The following PIP5K1A variants were observed in gnomAD, a reference collection of about 807,000 sequenced individuals.
The protein encoded by PIP5K1A is phosphatidylinositol 4-phosphate 5-kinase type-1 alpha.
Under a neutral mutation model 72.9 loss-of-function variants are expected in PIP5K1A, and 46 were observed. The ratio of observed to expected loss-of-function variants is 0.63; its 90% CI spans 0.50 to 0.81. The LOEUF is 0.81. Among genes scored for constraint, PIP5K1A ranks in the 30% least tolerant of loss-of-function variants. PIP5K1A has a pLI of 0.00. For synonymous variants in PIP5K1A, 228 were observed against 255.1 expected (o/e 0.89, Z 1.01); for missense variants, 458 against 706.1 (o/e 0.65, Z 3.98).
intron 15 of PIP5K1A, 86 bp from the exon 16 acceptor site, chr1:151,247,777 C>A: frequency 1.7e-6 from 2 of 1,157,638 alleles, no homozygotes; most frequent in South Asian, 1.4e-5. Context: ...GAGGCTGAGG[C>A]TGAAATAGAA....
In PIP5K1A at chr1:151,220,380, G is replaced by A. The variant is rs181154690; in HGVS notation, c.86-3865G>A. ...CAGACTTGCTTTATTTTCTTCTGTG[G>A]TATTTTTTTCCTTTACTTACATTAT... On this transcript the variant is annotated intron_variant, in intron 1 of 15. Transcript: ENST00000368888. 4.4e-3 allele frequency among the ~76,000 whole-genome samples: 670 copies of A among 152,092 alleles called. 6 individuals are homozygous for A. The highest frequency in any genetic ancestry group is 0.014 in the Middle Eastern group (4 of 294).
In PIP5K1A at chr1:151,247,967, T is replaced by A; in HGVS notation, c.*102T>A. ...TGCTGAATTTTCTTCTACTTGGTCA[T>A]CAAAAAAGGAGTGTAATAGAAGTGA... On this transcript the variant is annotated 3_prime_UTR_variant, in exon 16 of 16. Transcript: ENST00000368888. The A allele has an allele frequency of 9.7e-7, 1 of 1,030,302 alleles. No homozygotes were observed. The highest frequency in any genetic ancestry group is 1.3e-5 in the South Asian group (1 of 78,654). The allele number at this position is 1,030,302 out of a possible 1,614,324, so 63.8% of individuals were successfully genotyped here. A position where few individuals can be genotyped will look rare whatever the true frequency, so the allele number is the denominator to read the frequency against.
chr1:151,236,680 C>A lies in PIP5K1A; in HGVS notation c.1062C>A (p.Ala354=). 1 of 1,613,888 alleles carries A rather than the reference C, an allele frequency of 6.2e-7. No homozygotes were observed. The highest frequency in any genetic ancestry group is 8.5e-7 in the Non-Finnish European group (1 of 1,179,964). ...ACTCAGTTGATACTCGAAGACCGGC[C>A]CCCCAAAAGGCTCTGTATTCCACAG... is the stretch of plus-strand genomic sequence containing the variant. ...TQYSVDTRRP[A]PQKALYSTAM... Residue 354 remains alanine, a synonymous_variant, in exon 9 of 16, where the codon GCC becomes GCA. Transcript: ENST00000368888.
intron 12 of PIP5K1A, among the ~76,000 whole-genome samples, chr1:151,241,757 GC>G (rs1691741327): frequency 6.8e-6 from 1 of 146,856 alleles, no homozygotes; most frequent in South Asian, 2.1e-4. Context: ...CCAAGATCGC[GC>G]CATTGCACTT....
upstream of PIP5K1A, among the ~76,000 whole-genome samples, chr1:151,196,792 C>T (rs587595596): frequency 1.3e-5 from 2 of 151,790 alleles, no homozygotes; most frequent in South Asian, 4.2e-4. Flanking sequence ...AACTCCCGAC[C>T]TCAGGTGATC....
At chr1:151,244,666 TAAATAA>T (rs777242858) in intron 14 of PIP5K1A, among the ~76,000 whole-genome samples, 1 of 151,840 alleles carries the variant, frequency 6.6e-6, no homozygotes, top group Admixed American at 6.6e-5. Context: ...AAAAGAAAAA[TAAATAA>T]AAATAAAGTA....
chr1:151,248,120 T>C lies in PIP5K1A; in HGVS notation c.*255T>C, dbSNP rs6661347. On this transcript the variant is annotated 3_prime_UTR_variant, in exon 16 of 16. Transcript: ENST00000368888. ...CCCTCCACTCCAGAGTTGGGTGGTATGGATTTTCAACTGGCCAACCCTTTG... is the reference window on the plus strand; with the variant it reads ...CCCTCCACTCCAGAGTTGGGTGGTACGGATTTTCAACTGGCCAACCCTTTG... 482,361 of 486,310 alleles carry C rather than the reference T, an allele frequency of 0.99. 239,365 individuals carry two copies. Among genetic ancestry groups the C allele is most frequent in the East Asian group, 1 (28,316 of 28,318 alleles). The allele number at this position is 486,310 out of a possible 1,614,324, so 30.1% of individuals were successfully genotyped here.
At chr1:151,223,967 CAAAAA>C (rs200726239) in intron 1 of PIP5K1A, 1 of 468,530 alleles carries the variant, frequency 2.1e-6, no homozygotes, top group Non-Finnish European at 3.8e-6. Context: ...GACTCCATCT[CAAAAA>C]AAAAGAAAAA....
rs2102673489 is a variant in PIP5K1A at position 151,234,387 on chromosome 1, C to T, written c.830C>T (p.Pro277Leu). The T allele has an allele frequency of 1.2e-6, 2 of 1,613,960 alleles. No individual in the cohort carries two copies. Among genetic ancestry groups the T allele is most frequent in the South Asian group, 1.1e-5 (1 of 91,084 alleles). The change falls in exon 8 of 16, where the codon CCT (proline) becomes CTT (leucine). Residue 277 changes from proline to leucine, a missense_variant. Transcript: ENST00000368888. ...GCTTCCCAGAAAGAGCGAGAGAAGCCTCTTCCCACATTTAAAGACCTAGAC... is the reference window on the plus strand; with the variant it reads ...GCTTCCCAGAAAGAGCGAGAGAAGCTTCTTCCCACATTTAAAGACCTAGAC... ...RRASQKEREK[P>L]LPTFKDLDFL...
Position 151,227,322 on chromosome 1 carries a change from G to A in PIP5K1A, c.159G>A (p.Val53=), listed in dbSNP as rs762181977. Residue 53 remains valine (V), a splice_region_variant and synonymous_variant, in exon 4 of 16, where the codon GTG becomes GTA. Coordinates refer to ENST00000368888, the MANE Select transcript of PIP5K1A (RefSeq NM_001135638.2). ...EARQDSYISL[V]PYASGMPIKK... Reference sequence around the variant, plus strand: ...TATAATCTTGACTCTTCTTCTAGGTGCCTTATGCCTCTGGCATGCCCATCA... The same window carrying A: ...TATAATCTTGACTCTTCTTCTAGGTACCTTATGCCTCTGGCATGCCCATCA... 12 of 1,602,246 alleles carry A rather than the reference G, an allele frequency of 7.5e-6. No homozygotes were observed. The highest frequency in any genetic ancestry group is 7.7e-6 in the Non-Finnish European group (9 of 1,169,570).
chr1:151,224,324 G>A (rs774053413), intron 2 of PIP5K1A, 45 bp downstream of exon 2: 1 of 1,608,674 alleles, frequency 6.2e-7, no homozygotes, highest in Non-Finnish European at 8.5e-7. Flanking sequence ...CTTAATTCTG[G>A]GATAGAAGGA....
At chr1:151,219,553 G>A (rs1234272169) in intron 1 of PIP5K1A, among the ~76,000 whole-genome samples, 1 of 151,666 alleles carries the variant, frequency 6.6e-6, no homozygotes, top group Non-Finnish European at 1.5e-5. Context: ...AATTAGCTGG[G>A]TGTTGTGGTG....
At chr1:151,213,264 G>A (rs919670323) in intron 1 of PIP5K1A, among the ~76,000 whole-genome samples, 1 of 152,144 alleles carries the variant, frequency 6.6e-6, no homozygotes, top group Non-Finnish European at 1.5e-5. Flanking sequence ...CTTATAGGCA[G>A]TGTGTCCAGA....
At chr1:151,220,000 G>C (rs1315089589) in intron 1 of PIP5K1A, among the ~76,000 whole-genome samples, 3 of 151,274 alleles carry the variant, frequency 2.0e-5, no homozygotes, top group Non-Finnish European at 4.4e-5. Context: ...GCCTGTCTCT[G>C]TTTCTATTTA....
At chr1:151,216,200 T>C (rs1174417410) in intron 1 of PIP5K1A, among the ~76,000 whole-genome samples, 2 of 151,914 alleles carry the variant, frequency 1.3e-5, no homozygotes, top group Non-Finnish European at 2.9e-5. Context: ...TACAAAAAAA[T>C]TAGCTGGGCA....
intron 1 of PIP5K1A, among the ~76,000 whole-genome samples, chr1:151,218,165 A>G (rs904184952): frequency 1.1e-4 from 17 of 152,190 alleles, no homozygotes; most frequent in African/African-American, 4.1e-4. Flanking sequence ...AAACTGTGAA[A>G]CTGCGCTTTC....
intron 1 of PIP5K1A, among the ~76,000 whole-genome samples, chr1:151,203,848 A>T (rs1042160768): frequency 2.6e-5 from 4 of 151,940 alleles, no homozygotes; most frequent in African/African-American, 9.7e-5. Context: ...AAAAAAGAAA[A>T]GCACTTAAAC....
At chr1:151,244,470 AT>A (rs1692205432) in intron 14 of PIP5K1A, among the ~76,000 whole-genome samples, 1 of 152,184 alleles carries the variant, frequency 6.6e-6, no homozygotes, top group Non-Finnish European at 1.5e-5. Flanking sequence ...CCTGAGCAAC[AT>A]GGCGAAACCC....
intron 14 of PIP5K1A, among the ~76,000 whole-genome samples, chr1:151,246,565 T>TCATGAGAAGAGAATCACTAA (rs1553305711): frequency 6.6e-6 from 1 of 152,098 alleles, no homozygotes; most frequent in African/African-American, 2.4e-5. Flanking sequence ...TGCATTCTGT[T>TCATGAGAAGAGAATCACTAA]CATGAGAAGA....
Sources: allele counts gnomAD v4.1 joint callset (sites outside exome capture counted in the v4.1 genomes callset), GRCh38; gene constraint gnomAD v4.1.1; transcripts MANE v1.5; gene names NCBI Gene and HGNC (gene_info 2026-07-23, HGNC 2026-07-21).